The following LIPI variants were observed in gnomAD, a reference collection of about 807,000 sequenced individuals.
LIPI encodes the protein lipase member I.
In LIPI, 59 loss-of-function variants were observed where a neutral mutation model predicts 50.6. The observed-to-expected ratio is 1.16, with a 90% confidence interval of 0.94 to 1.45. The LOEUF is 1.45. Ranked by LOEUF, LIPI falls within the 40% of genes most tolerant of loss-of-function variation. The pLI, the probability that LIPI is intolerant of heterozygous loss-of-function variation, is 0.00. For missense variants in LIPI, 586 were observed against 536.3 expected, an observed-to-expected ratio of 1.09 and a Z score of -0.92; for synonymous variants, 203 against 178.2, an observed-to-expected ratio of 1.14 and a Z score of -1.11.
chr21:14,120,630 G>T (rs868526479), intron 9 of LIPI, among the ~76,000 whole-genome samples: 3 of 152,122 alleles, frequency 2.0e-5, no homozygotes, highest in Non-Finnish European at 4.4e-5. Context: ...AAAGAAAGAA[G>T]AGACTTATGT....
At chr21:14,172,839 A>C (rs1380509272) in intron 4 of LIPI, among the ~76,000 whole-genome samples, 1 of 152,156 alleles carries the variant, frequency 6.6e-6, no homozygotes, top group Non-Finnish European at 1.5e-5. Flanking sequence ...CACATTGTGC[A>C]CATGTACCCT....
At chr21:14,210,306 A>G (rs1224824036) in intron 1 of LIPI, among the ~76,000 whole-genome samples, 1 of 152,094 alleles carries the variant, frequency 6.6e-6, no homozygotes, top group Admixed American at 6.6e-5. Flanking sequence ...ATTACCATAA[A>G]CCAGCTTTGT....
intron 9 of LIPI, among the ~76,000 whole-genome samples, chr21:14,122,325 A>C (rs1445629778): frequency 6.6e-6 from 1 of 152,208 alleles, no homozygotes; most frequent in African/African-American, 2.4e-5. Context: ...GGCAACCTCA[A>C]GTATGTTATG....
intron 1 of LIPI, among the ~76,000 whole-genome samples, chr21:14,199,698 G>A (rs2019986206): frequency 6.6e-6 from 1 of 151,488 alleles, no homozygotes; most frequent in Admixed American, 6.6e-5. Context: ...CATTCCTACT[G>A]AAACTGTTCC....
chr21:14,200,425 A>G (rs2020012360), intron 1 of LIPI, among the ~76,000 whole-genome samples: 1 of 152,120 alleles, frequency 6.6e-6, no homozygotes, highest in African/African-American at 2.4e-5. Flanking sequence ...TACAAAATCA[A>G]TGTGCAAAAA....
At chr21:14,128,481 TAGAG>T (rs1220716719) in intron 9 of LIPI, among the ~76,000 whole-genome samples, 3 of 152,068 alleles carry the variant, frequency 2.0e-5, no homozygotes, top group African/African-American at 7.2e-5. Context: ...CTTAAACTAA[TAGAG>T]AGGATACCTC....
At chr21:14,142,473 T>C (rs1402110152) in intron 9 of LIPI, among the ~76,000 whole-genome samples, 1 of 148,892 alleles carries the variant, frequency 6.7e-6, no homozygotes, top group Non-Finnish European at 1.5e-5. Flanking sequence ...ATAGATAATA[T>C]ATTATATATA....
chr21:14,158,466 A>T (rs774262675), intron 7 of LIPI, among the ~76,000 whole-genome samples: 5 of 151,548 alleles, frequency 3.3e-5, no homozygotes, highest in African/African-American at 4.8e-5. Context: ...AGACTAAATG[A>T]TTACATTAGA....
chr21:14,147,409 A>G (rs1281904536), intron 8 of LIPI, among the ~76,000 whole-genome samples: 1 of 152,184 alleles, frequency 6.6e-6, no homozygotes, highest in Middle Eastern at 3.2e-3. Flanking sequence ...AGGTAAGACC[A>G]TGACTGATTT....
At chr21:14,191,623 G>T (rs368189447) in intron 1 of LIPI, among the ~76,000 whole-genome samples, 3 of 152,212 alleles carry the variant, frequency 2.0e-5, no homozygotes, top group East Asian at 3.9e-4. Flanking sequence ...AAATAGGTTG[G>T]TGTGTTATAG....
At chr21:14,207,000 C>T (rs2020244921) in intron 1 of LIPI, 1 of 998,962 alleles carries the variant, frequency 1.0e-6, no homozygotes, top group Non-Finnish European at 1.6e-6. Flanking sequence ...TTTGGGCCAG[C>T]AGAATTCCAA....
intron 4 of LIPI, among the ~76,000 whole-genome samples, chr21:14,181,176 A>G (rs188762606): frequency 2.0e-5 from 3 of 152,352 alleles, no homozygotes; most frequent in East Asian, 3.9e-4. Flanking sequence ...TAGTATCAAC[A>G]AATTCAAATC....
chr21:14,188,454 G>C (rs1226405887), intron 2 of LIPI, among the ~76,000 whole-genome samples: 1 of 150,710 alleles, frequency 6.6e-6, no homozygotes, highest in Non-Finnish European at 1.5e-5. Flanking sequence ...AGTAATCCCA[G>C]CTACTCGGGT....
At chr21:14,144,885 G>A in intron 8 of LIPI, 86 bp from the exon 9 acceptor site, 3 of 881,198 alleles carry the variant, frequency 3.4e-6, no homozygotes, top group Non-Finnish European at 1.8e-6. Flanking sequence ...AATAAGGGAG[G>A]CCACAGAGAA....
chr21:14,129,338 A>G (rs1046605708), intron 9 of LIPI, among the ~76,000 whole-genome samples: 4 of 152,144 alleles, frequency 2.6e-5, no homozygotes, highest in Non-Finnish European at 5.9e-5. Context: ...AATAAGAATT[A>G]TTGAATGCAT....
At chr21:14,198,807 AT>A (rs1011661271) in intron 1 of LIPI, among the ~76,000 whole-genome samples, 1 of 152,042 alleles carries the variant, frequency 6.6e-6, no homozygotes, top group Non-Finnish European at 1.5e-5. Flanking sequence ...TAGAATACAC[AT>A]TTTTTTCAAG....
intron 4 of LIPI, among the ~76,000 whole-genome samples, chr21:14,179,958 T>C (rs1448147070): frequency 2.0e-5 from 3 of 152,144 alleles, no homozygotes; most frequent in Non-Finnish European, 4.4e-5. Context: ...GCAGAGAGCG[T>C]ATAAACGGAC....
At chr21:14,171,876 T>G (rs1366608036) in intron 4 of LIPI, among the ~76,000 whole-genome samples, 2 of 149,014 alleles carry the variant, frequency 1.3e-5, no homozygotes, top group African/African-American at 4.9e-5. Flanking sequence ...GGGATCTAAT[T>G]AAACTAAAGA....
At chr21:14,184,580 T>C (rs2019389316) in intron 3 of LIPI, among the ~76,000 whole-genome samples, 1 of 152,198 alleles carries the variant, frequency 6.6e-6, no homozygotes, top group African/African-American at 2.4e-5. Flanking sequence ...CCCCATTTTA[T>C]TTAACCCACT....
Sources: allele counts gnomAD v4.1 joint callset (sites outside exome capture counted in the v4.1 genomes callset), GRCh38; gene constraint gnomAD v4.1.1; transcripts MANE v1.5; gene names NCBI Gene and HGNC (gene_info 2026-07-23, HGNC 2026-07-21).